Variants in BLTP3A observed in about 807,000 individuals in gnomAD.
BLTP3A encodes the protein ICBP90 binding protein 1.
chr6:34,841,948 T>C, the BLTP3A span, among the ~76,000 whole-genome samples: 3 of 152,328 alleles, frequency 2.0e-5, no homozygotes, highest in African/African-American at 7.2e-5. Flanking sequence ...ATTTCTCTTT[T>C]TTAAGGGCAG....
the BLTP3A span, among the ~76,000 whole-genome samples, chr6:34,849,630 CTG>C: frequency 6.6e-6 from 1 of 152,042 alleles, no homozygotes. Flanking sequence ...TTATAATATT[CTG>C]TGTTTGTCTC....
At chr6:34,863,936 T>C in the BLTP3A span, 1 of 1,447,346 alleles carries the variant, frequency 6.9e-7, no homozygotes, top group Non-Finnish European at 9.2e-7. Context: ...ATGGGTATTG[T>C]AAGTGGATGG....
the BLTP3A span, chr6:34,870,818 GTTAA>G: frequency 6.2e-7 from 1 of 1,606,170 alleles, no homozygotes; most frequent in Admixed American, 1.7e-5. Context: ...CTCCCTGGCC[GTTAA>G]TTAGTTGTCT....
chr6:34,796,317 C>T, the BLTP3A span, among the ~76,000 whole-genome samples: 1 of 152,072 alleles, frequency 6.6e-6, no homozygotes, highest in Non-Finnish European at 1.5e-5. Flanking sequence ...TTTTGGTAAA[C>T]GAGATTTGAA....
chr6:34,807,864 A>G, the BLTP3A span, among the ~76,000 whole-genome samples: 2 of 151,972 alleles, frequency 1.3e-5, no homozygotes, highest in South Asian at 4.2e-4. Context: ...ACATGTTGAA[A>G]CCCCATCTCT....
At chr6:34,824,660 T>C in the BLTP3A span, among the ~76,000 whole-genome samples, 1 of 151,842 alleles carries the variant, frequency 6.6e-6, no homozygotes, top group Admixed American at 6.6e-5. Context: ...TATATATGTA[T>C]TTTTTTCTTT....
chr6:34,818,402 G>T, the BLTP3A span, among the ~76,000 whole-genome samples: 1 of 152,040 alleles, frequency 6.6e-6, no homozygotes, highest in African/African-American at 2.4e-5. Flanking sequence ...CCAGGAGGTT[G>T]AGGCTGCAGT....
chr6:34,805,137 T>TA, the BLTP3A span, among the ~76,000 whole-genome samples: 4 of 151,064 alleles, frequency 2.6e-5, no homozygotes, highest in African/African-American at 9.8e-5. Context: ...CTACAAAAAA[T>TA]AAAAAAATTA....
the BLTP3A span, chr6:34,856,104 T>A: frequency 1.6e-6 from 2 of 1,271,776 alleles, no homozygotes; most frequent in Non-Finnish European, 2.2e-6. Context: ...ATTGGATAAT[T>A]TTTCCTTATC....
the BLTP3A span, among the ~76,000 whole-genome samples, chr6:34,814,528 T>C: frequency 1.3e-5 from 2 of 152,230 alleles, no homozygotes; most frequent in Non-Finnish European, 2.9e-5. Flanking sequence ...CCAGCAGACG[T>C]GCATGCACCA....
the BLTP3A span, among the ~76,000 whole-genome samples, chr6:34,863,770 A>C: frequency 2.0e-5 from 3 of 152,158 alleles, no homozygotes; most frequent in Admixed American, 6.5e-5. Flanking sequence ...TTGATATGAG[A>C]GCGCTGTCCA....
chr6:34,793,306 G>T, the BLTP3A span, among the ~76,000 whole-genome samples: 1 of 152,184 alleles, frequency 6.6e-6, no homozygotes, highest in Admixed American at 6.5e-5. Context: ...GTTGGTGATG[G>T]TTAATACCTT....
At chr6:34,855,406 C>A in the BLTP3A span, among the ~76,000 whole-genome samples, 1 of 152,198 alleles carries the variant, frequency 6.6e-6, no homozygotes, top group African/African-American at 2.4e-5. Context: ...AATATACTTT[C>A]TTTTGGGTCT....
At chr6:34,859,270 G>A in the BLTP3A span, 178 of 1,614,010 alleles carry the variant, frequency 1.1e-4, no homozygotes, top group Non-Finnish European at 1.5e-4. Flanking sequence ...CCATGAGGCA[G>A]TAGAGTCCCT....
At chr6:34,828,443 T>G in the BLTP3A span, among the ~76,000 whole-genome samples, 1 of 137,562 alleles carries the variant, frequency 7.3e-6, no homozygotes, top group Non-Finnish European at 1.5e-5. Context: ...AGAGCAAGAC[T>G]CCATCTCAAA....
At chr6:34,833,817 G>C in the BLTP3A span, among the ~76,000 whole-genome samples, 1 of 151,368 alleles carries the variant, frequency 6.6e-6, no homozygotes, top group Non-Finnish European at 1.5e-5. Flanking sequence ...AGCTACTTGG[G>C]AGGCTGAGGC....
chr6:34,867,700 A>C, the BLTP3A span: 1 of 1,479,130 alleles, frequency 6.8e-7, no homozygotes, highest in South Asian at 1.4e-5. Context: ...ACTGTGCTCT[A>C]AGGGCAGCCA....
At chr6:34,796,113 T>A in the BLTP3A span, among the ~76,000 whole-genome samples, 3 of 152,196 alleles carry the variant, frequency 2.0e-5, no homozygotes, top group African/African-American at 7.2e-5. Context: ...TCAAGTTAAA[T>A]AAAGATATAG....
chr6:34,817,638 G>A, the BLTP3A span, among the ~76,000 whole-genome samples: 1 of 152,100 alleles, frequency 6.6e-6, no homozygotes, highest in South Asian at 2.1e-4. Flanking sequence ...GGGCCCAGAT[G>A]GATGCCTGCA....
Sources: gnomAD v4.1 joint callset for allele counts (sites outside exome capture counted in the v4.1 genomes callset) on GRCh38, gnomAD v4.1.1 for gene constraint, MANE v1.5 for transcripts, NCBI Gene and HGNC (gene_info 2026-07-23, HGNC 2026-07-21) for gene names.